The following AXDND1 variants were observed in gnomAD, a reference collection of about 807,000 sequenced individuals.
AXDND1 encodes the protein axonemal dynein light chain domain containing 1.
Under a neutral mutation model 137.5 loss-of-function variants are expected in AXDND1, and 110 were observed. That is an observed-to-expected ratio of 0.80 (90% confidence interval 0.69 to 0.94). The LOEUF is 0.94. AXDND1 is among the 40% of genes least tolerant of loss of function. The probability of loss-of-function intolerance (pLI) is 0.00; values close to 1 mark genes in which losing one functional copy is unlikely to be tolerated. For missense variants in AXDND1, 1,191 were observed against 1,169.8 expected, an observed-to-expected ratio of 1.02 and a Z score of -0.26; for synonymous variants, 414 against 399.7, an observed-to-expected ratio of 1.04 and a Z score of -0.43.
chr1:179,532,187 G>A (rs900473136), intron 23 of AXDND1, among the ~76,000 whole-genome samples: 11 of 152,162 alleles, frequency 7.2e-5, no homozygotes, highest in African/African-American at 2.2e-4. Context: ...ACATTAATCT[G>A]TACTTGCCAG....
intron 16 of AXDND1, chr1:179,457,301 T>A: frequency 4.7e-6 from 3 of 643,758 alleles, no homozygotes; most frequent in Non-Finnish European, 8.3e-6. Flanking sequence ...TCCTCAACTG[T>A]TTGGGCTCTT....
Position 179,430,026 on chromosome 1 carries a change from C to T in AXDND1, c.1332+407C>T, listed in dbSNP as rs574226948. On this transcript the variant is annotated intron_variant, in intron 13 of 25. Transcript: ENST00000367618. ...CATTTACACTAGTCATTTCATTTAA[C>T]TCTTAAGACAATTCTGTGAGATAGA... Among the ~76,000 whole-genome samples the T allele has an allele frequency of 4.0e-5, 6 of 150,944 alleles. No homozygotes were observed. The South Asian group carries it at 1.3e-3, about 32-fold the overall frequency.
intron 21 of AXDND1, among the ~76,000 whole-genome samples, chr1:179,518,334 C>A (rs1219243144): frequency 6.6e-6 from 1 of 151,036 alleles, no homozygotes; most frequent in Non-Finnish European, 1.5e-5. Flanking sequence ...ATTAGTGGGT[C>A]ATTACCACAA....
chr1:179,397,231 C>T (rs1459598844), intron 11 of AXDND1, among the ~76,000 whole-genome samples: 1 of 152,140 alleles, frequency 6.6e-6, no homozygotes, highest in Non-Finnish European at 1.5e-5. Flanking sequence ...CTTATTTCCC[C>T]TTCACTTATG....
chr1:179,536,426 A>G (rs1236415963), intron 25 of AXDND1, among the ~76,000 whole-genome samples: 1 of 152,234 alleles, frequency 6.6e-6, no homozygotes, highest in Admixed American at 6.5e-5. Flanking sequence ...AGCTTTCTGC[A>G]TATGGCTGGC....
intron 15 of AXDND1, among the ~76,000 whole-genome samples, chr1:179,437,559 T>C (rs1344194989): frequency 1.3e-5 from 2 of 152,210 alleles, no homozygotes; most frequent in Non-Finnish European, 2.9e-5. Flanking sequence ...CACAGGCCTT[T>C]GGCTCCCTAC....
intron 15 of AXDND1, among the ~76,000 whole-genome samples, chr1:179,433,124 A>G (rs950054034): frequency 4.6e-5 from 7 of 151,996 alleles, no homozygotes; most frequent in African/African-American, 1.7e-4. Flanking sequence ...CCAGGAATTT[A>G]TCCGTTTCTT....
chr1:179,439,638 AG>A (rs2125343973), intron 15 of AXDND1, among the ~76,000 whole-genome samples: 1 of 152,316 alleles, frequency 6.6e-6, no homozygotes, highest in African/African-American at 2.4e-5. Context: ...ATATGGAATC[AG>A]GGGTTTTTGC....
chr1:179,537,551 T>G (rs1204021346), intron 25 of AXDND1, among the ~76,000 whole-genome samples: 1 of 152,188 alleles, frequency 6.6e-6, no homozygotes, highest in African/African-American at 2.4e-5. Flanking sequence ...GCCGACTTGA[T>G]TGTGGTAGAT....
intron 16 of AXDND1, among the ~76,000 whole-genome samples, chr1:179,467,595 C>T (rs1241517488): frequency 3.3e-5 from 5 of 152,024 alleles, no homozygotes; most frequent in Non-Finnish European, 7.4e-5. Context: ...ATTTTGGTAT[C>T]CATGGGGGTC....
At chr1:179,418,710 CG>C in intron 12 of AXDND1, among the ~76,000 whole-genome samples, 1 of 150,092 alleles carries the variant, frequency 6.7e-6, no homozygotes, top group South Asian at 2.1e-4. Context: ...GCTGGCCGGG[CG>C]GGGGGCTGAC....
chr1:179,448,468 T>C (rs943937143), intron 16 of AXDND1: 4 of 469,192 alleles, frequency 8.5e-6, no homozygotes, highest in Non-Finnish European at 1.6e-5. Context: ...TATTTCCTTA[T>C]ATTCCAAATA....
At chr1:179,380,772 T>C (rs1648133027) in intron 6 of AXDND1, among the ~76,000 whole-genome samples, 1 of 152,196 alleles carries the variant, frequency 6.6e-6, no homozygotes, top group Admixed American at 6.5e-5. Flanking sequence ...CAAATGAAAT[T>C]CATTTTTTGG....
At chr1:179,406,800 A>G (rs1653043928) in intron 11 of AXDND1, among the ~76,000 whole-genome samples, 1 of 152,128 alleles carries the variant, frequency 6.6e-6, no homozygotes, top group Non-Finnish European at 1.5e-5. Flanking sequence ...GCATTTTTAT[A>G]TCCATTCAGC....
intron 16 of AXDND1, among the ~76,000 whole-genome samples, chr1:179,459,003 A>G (rs1264481765): frequency 6.6e-6 from 1 of 152,186 alleles, no homozygotes; most frequent in Non-Finnish European, 1.5e-5. Context: ...ACTATAGGAA[A>G]AAAAGATTAA....
At position 179,403,754 on chromosome 1, in the gene AXDND1, A is replaced by T. The variant is rs551366912; in HGVS notation, c.1110-7392A>T. 1.2e-4 allele frequency among the ~76,000 whole-genome samples: 18 copies of T among 152,188 alleles called. No homozygotes were observed. In the South Asian group the frequency reaches 3.7e-3, roughly 32 times the overall value. ...ACACCCGGCTAATTTTTGTATTTTT[A>T]GTAGAGACAGGGTATTGCCATGTTG... On this transcript the variant is annotated intron_variant, in intron 11 of 25. Coordinates refer to ENST00000367618, the MANE Select transcript of AXDND1 (RefSeq NM_144696.6).
At chr1:179,535,669 T>C (rs1671480811) in intron 25 of AXDND1, among the ~76,000 whole-genome samples, 2 of 152,270 alleles carry the variant, frequency 1.3e-5, no homozygotes, top group Non-Finnish European at 2.9e-5. Flanking sequence ...TTGTGAATAG[T>C]GCTGCAATAA....
intron 25 of AXDND1, chr1:179,552,371 G>C (rs1340807774): frequency 1.7e-6 from 1 of 586,658 alleles, no homozygotes; most frequent in Non-Finnish European, 3.1e-6. Context: ...GGGAAGGTGA[G>C]ACTCAAGCAG....
chr1:179,417,811 C>A (rs934776502), intron 12 of AXDND1, among the ~76,000 whole-genome samples: 1 of 151,860 alleles, frequency 6.6e-6, no homozygotes, highest in East Asian at 1.9e-4. Context: ...GGTAGTATTG[C>A]CATTTAACAA....
Sources: gnomAD v4.1 joint callset for allele counts (sites outside exome capture counted in the v4.1 genomes callset) on GRCh38, gnomAD v4.1.1 for gene constraint, MANE v1.5 for transcripts, NCBI Gene and HGNC (gene_info 2026-07-23, HGNC 2026-07-21) for gene names.